Variants in CNOT6 observed in about 807,000 individuals in gnomAD.
The protein encoded by CNOT6 is carbon catabolite repression 4 protein.
A neutral mutation model predicts 61.2 loss-of-function variants in CNOT6; 12 were observed. The observed-to-expected ratio is 0.20, with a 90% confidence interval of 0.13 to 0.32. The LOEUF (loss-of-function observed/expected upper bound fraction) is 0.32, where lower values mean the gene tolerates loss of function less well. Among genes scored for constraint, CNOT6 ranks in the 10% least tolerant of loss-of-function variants. The pLI, the probability that CNOT6 is intolerant of heterozygous loss-of-function variation, is 1.00. For synonymous variants in CNOT6, 225 were observed against 240.6 expected, an observed-to-expected ratio of 0.94 and a Z score of 0.60; for missense variants, 405 against 663.9, an observed-to-expected ratio of 0.61 and a Z score of 4.28.
chr5:180,517,007 G>C (rs1199983801), intron 1 of CNOT6, among the ~76,000 whole-genome samples: 3 of 152,170 alleles, frequency 2.0e-5, no homozygotes, highest in African/African-American at 7.2e-5. Context: ...ATTGGTGAAG[G>C]GGGTAACAAT....
chr5:180,522,571 G>C (rs1487417791), intron 1 of CNOT6, among the ~76,000 whole-genome samples: 1 of 152,124 alleles, frequency 6.6e-6, no homozygotes, highest in Non-Finnish European at 1.5e-5. Context: ...ATTCTGACTG[G>C]TGTGAGATGG....
At chr5:180,538,037 T>A (rs75234490) in intron 2 of CNOT6, among the ~76,000 whole-genome samples, 1 of 135,296 alleles carries the variant, frequency 7.4e-6, no homozygotes, top group African/African-American at 3.0e-5. Flanking sequence ...ACATCATCTT[T>A]TTTTTTTTTT....
intron 1 of CNOT6, among the ~76,000 whole-genome samples, chr5:180,500,286 A>G (rs1442926639): frequency 6.6e-6 from 1 of 151,168 alleles, no homozygotes; most frequent in Non-Finnish European, 1.5e-5. Context: ...GATTTTTCTT[A>G]TTTTTAGTAG....
At chr5:180,570,388 G>T (rs1760688181) in intron 10 of CNOT6, among the ~76,000 whole-genome samples, 1 of 151,890 alleles carries the variant, frequency 6.6e-6, no homozygotes. Context: ...GAGAGAGAAA[G>T]AAAAACTGAG....
At chr5:180,531,803 C>T (rs10903259) in intron 2 of CNOT6, among the ~76,000 whole-genome samples, 25,806 of 152,224 alleles carry the variant, frequency 0.17, 2,304 homozygotes, top group Non-Finnish European at 0.19. Flanking sequence ...GCCAACATGG[C>T]GAAACCCCGT....
chr5:180,499,948 A>AGTTCAGTTCG (rs1363544929), intron 1 of CNOT6, among the ~76,000 whole-genome samples: 3 of 152,168 alleles, frequency 2.0e-5, no homozygotes, highest in Non-Finnish European at 4.4e-5. Context: ...ATTTCTACAC[A>AGTTCAGTTCG]GTTCAGTTCG....
chr5:180,495,221 C>G (rs531831057), intron 1 of CNOT6, among the ~76,000 whole-genome samples: 3 of 152,214 alleles, frequency 2.0e-5, no homozygotes, highest in Non-Finnish European at 2.9e-5. Flanking sequence ...CTGCTTACCC[C>G]CTCCCCTAAA....
intron 1 of CNOT6, among the ~76,000 whole-genome samples, chr5:180,514,167 T>A (rs756740778): frequency 4.1e-4 from 61 of 150,292 alleles, no homozygotes; most frequent in Non-Finnish European, 7.8e-4. Context: ...AGCTTCACCG[T>A]AATCCCAGCA....
intron 2 of CNOT6, among the ~76,000 whole-genome samples, chr5:180,537,099 C>T (rs963988338): frequency 6.6e-6 from 1 of 152,208 alleles, no homozygotes; most frequent in Non-Finnish European, 1.5e-5. Context: ...TTTGGTAAAG[C>T]TACTATAAAC....
intron 1 of CNOT6, among the ~76,000 whole-genome samples, chr5:180,513,452 C>T (rs1034986255): frequency 4.9e-4 from 74 of 152,156 alleles, no homozygotes; most frequent in African/African-American, 1.1e-3. Flanking sequence ...TTGCAACCTC[C>T]GCCTCCCAGG....
chr5:180,573,908 C>T (rs997540615), intron 11 of CNOT6, 80 bp from the exon 12 acceptor site: 1 of 948,292 alleles, frequency 1.1e-6, no homozygotes, highest in Non-Finnish European at 1.7e-6. Context: ...CCAAACATGA[C>T]ATAAAGGCAT....
Position 180,531,983 on chromosome 5 carries a change from C to G in CNOT6, c.112+2595C>G, listed in dbSNP as rs142929332. On this transcript the variant is annotated intron_variant, in intron 2 of 11. Transcript: ENST00000261951. ...AACTTTGGTGGCATGAGAGGGAGAC[C>G]GGGGAGAGGGAGAGGGACCCCTCTT... Among the ~76,000 whole-genome samples the G allele has an allele frequency of 1.5e-3, 226 of 152,258 alleles. 2 individuals carry two copies. The highest frequency in any genetic ancestry group is 2.7e-3 in the Non-Finnish European group (184 of 68,016).
At chr5:180,563,213 T>TA (rs201627942) in intron 4 of CNOT6, among the ~76,000 whole-genome samples, 2 of 137,846 alleles carry the variant, frequency 1.5e-5, no homozygotes, top group Non-Finnish European at 1.6e-5. Context: ...CCTTTCCTGT[T>TA]AAATTTTTTT....
intron 2 of CNOT6, among the ~76,000 whole-genome samples, chr5:180,539,349 T>A (rs897782686): frequency 6.6e-6 from 1 of 151,686 alleles, no homozygotes; most frequent in Non-Finnish European, 1.5e-5. Flanking sequence ...AGTTATTCAT[T>A]ATTAGGCTCC....
At chr5:180,537,515 T>C (rs950341997) in intron 2 of CNOT6, among the ~76,000 whole-genome samples, 1 of 152,220 alleles carries the variant, frequency 6.6e-6, no homozygotes, top group Admixed American at 6.5e-5. Context: ...TTTTTAAACT[T>C]TTAAAAAATG....
chr5:180,530,640 C>T (rs1338292670), intron 2 of CNOT6, among the ~76,000 whole-genome samples: 17 of 149,918 alleles, frequency 1.1e-4, no homozygotes, highest in African/African-American at 4.2e-4. Flanking sequence ...GGCCATAGGA[C>T]AATAGTGGAG....
chr5:180,498,971 A>G (rs1442635093), intron 1 of CNOT6, among the ~76,000 whole-genome samples: 1 of 152,068 alleles, frequency 6.6e-6, no homozygotes, highest in Non-Finnish European at 1.5e-5. Context: ...TTGTATTTTT[A>G]GTAGAGGCAG....
intron 1 of CNOT6, among the ~76,000 whole-genome samples, chr5:180,527,545 C>T (rs751590883): frequency 6.6e-6 from 1 of 152,142 alleles, no homozygotes; most frequent in South Asian, 2.1e-4. Context: ...ATTTTAAACA[C>T]GTTCCTCTAG....
intron 2 of CNOT6, among the ~76,000 whole-genome samples, chr5:180,548,567 C>A (rs762658537): frequency 2.6e-5 from 4 of 152,148 alleles, no homozygotes; most frequent in Non-Finnish European, 5.9e-5. Flanking sequence ...CTGGGATTCC[C>A]CTCCTTGGGC....
Sources: gnomAD v4.1 joint callset for allele counts (sites outside exome capture counted in the v4.1 genomes callset) on GRCh38, gnomAD v4.1.1 for gene constraint, MANE v1.5 for transcripts, NCBI Gene and HGNC (gene_info 2026-07-23, HGNC 2026-07-21) for gene names.